The following DGKB variants were observed in gnomAD, a reference collection of about 807,000 sequenced individuals.
DGKB encodes 90 kDa diacylglycerol kinase.
DGKB carries 67 observed loss-of-function variants against 114.3 expected under a neutral mutation model. That is an observed-to-expected ratio of 0.59 (90% CI 0.48 to 0.72). DGKB has a LOEUF of 0.72. Ranked by LOEUF, DGKB falls within the 30% of genes least tolerant of loss-of-function variation. The pLI is 0.00. For synonymous variants in DGKB, 398 were observed against 323.1 expected, an observed-to-expected ratio of 1.23 and a Z score of -2.49; for missense variants, 907 against 975.2, an observed-to-expected ratio of 0.93 and a Z score of 0.93.
intron 25 of DGKB, chr7:14,176,619 AG>A (rs1191096568): frequency 1.6e-6 from 2 of 1,271,408 alleles, no homozygotes; most frequent in Non-Finnish European, 2.0e-6. Flanking sequence ...ATTTATACTT[AG>A]GCTAACACAA....
intron 20 of DGKB, among the ~76,000 whole-genome samples, chr7:14,497,247 T>C (rs759584769): frequency 1.1e-4 from 16 of 151,670 alleles, no homozygotes; most frequent in Non-Finnish European, 1.6e-4. Flanking sequence ...ATGTAAACTA[T>C]TAGGGTGATG....
intron 5 of DGKB, among the ~76,000 whole-genome samples, chr7:14,721,504 T>C (rs1829161919): frequency 6.6e-6 from 1 of 152,194 alleles, no homozygotes; most frequent in Non-Finnish European, 1.5e-5. Flanking sequence ...AGCTGTATCA[T>C]GTATTTATCA....
At chr7:14,851,965 G>A (rs1027184599) in intron 1 of DGKB, among the ~76,000 whole-genome samples, 1 of 152,040 alleles carries the variant, frequency 6.6e-6, no homozygotes, top group Non-Finnish European at 1.5e-5. Context: ...GAGCTACCAG[G>A]ATACCATAGA....
chr7:14,514,501 G>A (rs889132335), intron 20 of DGKB, among the ~76,000 whole-genome samples: 7 of 152,128 alleles, frequency 4.6e-5, no homozygotes, highest in African/African-American at 1.7e-4. Context: ...GAATTTTATT[G>A]TAACTGCAAA....
At chr7:14,557,143 A>G (rs1418820339) in intron 20 of DGKB, among the ~76,000 whole-genome samples, 1 of 152,158 alleles carries the variant, frequency 6.6e-6, no homozygotes, top group African/African-American at 2.4e-5. Context: ...CTGCATTTTA[A>G]CAAGCCCCTT....
intron 20 of DGKB, among the ~76,000 whole-genome samples, chr7:14,528,626 A>C (rs1584595041): frequency 1.3e-5 from 2 of 152,184 alleles, no homozygotes; most frequent in East Asian, 3.9e-4. Context: ...ATTGAAGAGT[A>C]GTTATATGGT....
At chr7:14,370,085 A>G (rs1817382044) in intron 21 of DGKB, among the ~76,000 whole-genome samples, 1 of 152,082 alleles carries the variant, frequency 6.6e-6, no homozygotes. Context: ...TTTAGGTCTT[A>G]TGTTTAAGTC....
intron 13 of DGKB, among the ~76,000 whole-genome samples, chr7:14,656,519 G>A (rs1200920364): frequency 6.6e-6 from 1 of 151,288 alleles, no homozygotes; most frequent in Admixed American, 6.6e-5. Context: ...ATAGGACACT[G>A]CATCCTGAAT....
chr7:14,589,742 C>T (rs1801372423), intron 17 of DGKB, among the ~76,000 whole-genome samples: 1 of 151,954 alleles, frequency 6.6e-6, no homozygotes, highest in Non-Finnish European at 1.5e-5. Flanking sequence ...CTTTCAGGCA[C>T]CCAAATTGAT....
intron 6 of DGKB, among the ~76,000 whole-genome samples, chr7:14,714,100 C>T (rs1827807333): frequency 1.3e-5 from 2 of 151,536 alleles, no homozygotes; most frequent in South Asian, 4.2e-4. Flanking sequence ...CACACACACA[C>T]ACACACACAC....
intron 1 of DGKB, among the ~76,000 whole-genome samples, chr7:14,938,241 T>G (rs754937428): frequency 6.6e-6 from 1 of 152,180 alleles, no homozygotes; most frequent in Non-Finnish European, 1.5e-5. Context: ...TTTAAAAATG[T>G]GCATATGTTG....
At chr7:14,532,087 T>A (rs1244408594) in intron 20 of DGKB, among the ~76,000 whole-genome samples, 1 of 151,318 alleles carries the variant, frequency 6.6e-6, no homozygotes, top group African/African-American at 2.4e-5. Flanking sequence ...TTCTCATAAC[T>A]CAGAACACTG....
chr7:14,266,109 A>T (rs1207206176), intron 23 of DGKB, among the ~76,000 whole-genome samples: 1 of 152,064 alleles, frequency 6.6e-6, no homozygotes, highest in Non-Finnish European at 1.5e-5. Context: ...TTCAATTGTT[A>T]TTTTTATAAG....
chr7:14,302,111 A>G (rs1010523564), intron 23 of DGKB, among the ~76,000 whole-genome samples: 7 of 152,146 alleles, frequency 4.6e-5, no homozygotes, highest in African/African-American at 1.7e-4. Flanking sequence ...GAATAAATGT[A>G]CCTAGACACA....
chr7:14,528,304 A>G (rs28611297), intron 20 of DGKB, among the ~76,000 whole-genome samples: 12,884 of 152,054 alleles, frequency 0.085, 1,078 homozygotes, highest in African/African-American at 0.22. Flanking sequence ...CCTTTCTATA[A>G]CTGAGTCATG....
upstream of DGKB, chr7:14,903,094 C>G (rs773802231): frequency 2.0e-5 from 3 of 152,270 alleles, no homozygotes; most frequent in Admixed American, 2.0e-4. Flanking sequence ...AACCAGTAAG[C>G]AGCTGAAGGA....
At chr7:14,387,398 T>G in intron 21 of DGKB, among the ~76,000 whole-genome samples, 1 of 110,184 alleles carries the variant, frequency 9.1e-6, no homozygotes, top group African/African-American at 3.8e-5. Context: ...TGTGACAGAG[T>G]GAGACTCCAT....
intron 21 of DGKB, among the ~76,000 whole-genome samples, chr7:14,412,529 A>G (rs1401479455): frequency 2.6e-5 from 4 of 152,178 alleles, no homozygotes; most frequent in African/African-American, 4.8e-5. Context: ...GCTTTAATAG[A>G]TGAGCCTGAG....
intron 2 of DGKB, among the ~76,000 whole-genome samples, chr7:14,838,759 A>G (rs1024709094): frequency 1.3e-5 from 2 of 152,154 alleles, no homozygotes; most frequent in Non-Finnish European, 2.9e-5. Flanking sequence ...CTCGAAGCAT[A>G]ACATTGCTTC....
Sources: gnomAD v4.1 joint callset for allele counts (sites outside exome capture counted in the v4.1 genomes callset) on GRCh38, gnomAD v4.1.1 for gene constraint, MANE v1.5 for transcripts, NCBI Gene and HGNC (gene_info 2026-07-23, HGNC 2026-07-21) for gene names.